The following DPP10 variants were observed in gnomAD, a reference collection of about 807,000 sequenced individuals.
The protein encoded by DPP10 is inactive dipeptidyl peptidase 10.
Under a neutral mutation model 120.9 loss-of-function variants are expected in DPP10, and 33 were observed. The ratio of observed to expected loss-of-function variants is 0.27; its 90% CI spans 0.21 to 0.37. The LOEUF is 0.37. Ranked by LOEUF, DPP10 falls within the 10% of genes least tolerant of loss-of-function variation. The probability of loss-of-function intolerance (pLI) is 1.00; values close to 1 mark genes in which losing one functional copy is unlikely to be tolerated. For missense variants in DPP10, 816 were observed against 942.8 expected (o/e 0.87, Z 1.76); for synonymous variants, 337 against 326.1 (o/e 1.03, Z -0.36).
At chr2:115,474,867 A>G (rs542014725) in intron 3 of DPP10, among the ~76,000 whole-genome samples, 1 of 152,270 alleles carries the variant, frequency 6.6e-6, no homozygotes, top group African/African-American at 2.4e-5. Context: ...CATTTGTGGC[A>G]TCCACTCCCA....
intron 1 of DPP10, among the ~76,000 whole-genome samples, chr2:114,477,168 A>G (rs771382854): frequency 1.8e-4 from 28 of 151,994 alleles, no homozygotes; most frequent in Non-Finnish European, 3.5e-4. Context: ...CATGTTGGAC[A>G]GGCAGGTCTT....
chr2:114,816,136 T>C (rs377467627), intron 1 of DPP10, among the ~76,000 whole-genome samples: 4 of 152,240 alleles, frequency 2.6e-5, no homozygotes, highest in East Asian at 3.8e-4. Context: ...TGTCTCCAGC[T>C]GACACTGTGC....
chr2:114,561,875 C>A lies in DPP10; in HGVS notation c.60+119037C>A, dbSNP rs7563721. On this transcript the variant is annotated intron_variant, in intron 1 of 25. Coordinates refer to ENST00000410059, the MANE Select transcript of DPP10 (RefSeq NM_020868.6). ...TCGAAAACAACATTGAACATGACTT[C>A]TTGACTACAGATTTAAACTTATTTC... 8.4e-3 allele frequency among the ~76,000 whole-genome samples: 1,280 copies of A among 152,298 alleles called. 17 individuals carry two copies. Among genetic ancestry groups the A allele is most frequent in the African/African-American group, 0.029 (1,195 of 41,566 alleles).
At chr2:115,448,925 G>T (rs1234321853) in intron 3 of DPP10, among the ~76,000 whole-genome samples, 1 of 152,070 alleles carries the variant, frequency 6.6e-6, no homozygotes, top group Non-Finnish European at 1.5e-5. Flanking sequence ...CATGTGGTCA[G>T]TGAGTTCATT....
chr2:114,878,011 A>G (rs1490014169), intron 1 of DPP10, among the ~76,000 whole-genome samples: 1 of 152,072 alleles, frequency 6.6e-6, no homozygotes, highest in Non-Finnish European at 1.5e-5. Flanking sequence ...CCCACTCTCT[A>G]CTTATGTCCA....
chr2:115,218,849 T>TAA (rs1226249423), intron 1 of DPP10, among the ~76,000 whole-genome samples: 1 of 152,172 alleles, frequency 6.6e-6, no homozygotes, highest in Non-Finnish European at 1.5e-5. Flanking sequence ...TAATTGTTTT[T>TAA]AATTGAAGGA....
chr2:115,527,998 T>C (rs976136114), intron 5 of DPP10, among the ~76,000 whole-genome samples: 3 of 152,162 alleles, frequency 2.0e-5, no homozygotes, highest in Non-Finnish European at 4.4e-5. Context: ...TCCAAGTCTT[T>C]GCTATTGTGA....
chr2:115,611,599 C>T (rs1483422248), intron 5 of DPP10, among the ~76,000 whole-genome samples: 67 of 152,104 alleles, frequency 4.4e-4, no homozygotes, highest in Non-Finnish European at 5.9e-5. Context: ...TTCTGGATTT[C>T]CTCCGTGCTT....
intron 5 of DPP10, among the ~76,000 whole-genome samples, chr2:115,603,526 G>A (rs2083482078): frequency 6.7e-6 from 1 of 149,100 alleles, no homozygotes; most frequent in Non-Finnish European, 1.5e-5. Flanking sequence ...GCTGGAACTT[G>A]GCCTCTCCAC....
chr2:115,678,565 T>G (rs2090438028), intron 5 of DPP10, among the ~76,000 whole-genome samples: 1 of 151,996 alleles, frequency 6.6e-6, no homozygotes, highest in African/African-American at 2.4e-5. Flanking sequence ...ACTGCAGGGG[T>G]GCAGTCCTCA....
intron 3 of DPP10, among the ~76,000 whole-genome samples, chr2:115,383,693 T>C (rs934953388): frequency 6.6e-6 from 1 of 152,176 alleles, no homozygotes; most frequent in Non-Finnish European, 1.5e-5. Flanking sequence ...ATATATTTAA[T>C]AATTTGATTT....
intron 1 of DPP10, among the ~76,000 whole-genome samples, chr2:115,066,981 T>C (rs1016181296): frequency 2.6e-5 from 4 of 152,188 alleles, no homozygotes; most frequent in African/African-American, 9.7e-5. Flanking sequence ...TAATTAATGA[T>C]AGGTATGGTC....
At chr2:115,165,809 C>A (rs1002258581) in intron 1 of DPP10, among the ~76,000 whole-genome samples, 5 of 152,030 alleles carry the variant, frequency 3.3e-5, no homozygotes, top group African/African-American at 1.2e-4. Flanking sequence ...AATAACCACA[C>A]AAAAACAAAA....
intron 1 of DPP10, among the ~76,000 whole-genome samples, chr2:114,501,135 T>A (rs1683136161): frequency 6.6e-6 from 1 of 152,202 alleles, no homozygotes; most frequent in Admixed American, 6.5e-5. Flanking sequence ...GGTTCCCAGA[T>A]ATAGAAAAAT....
At chr2:115,048,467 A>G (rs1243060616) in intron 1 of DPP10, among the ~76,000 whole-genome samples, 1 of 152,074 alleles carries the variant, frequency 6.6e-6, no homozygotes, top group African/African-American at 2.4e-5. Context: ...TTGCTTATTC[A>G]GTAGCCAGAG....
chr2:114,943,224 C>T (rs1327858502), intron 1 of DPP10, among the ~76,000 whole-genome samples: 2 of 152,070 alleles, frequency 1.3e-5, no homozygotes, highest in African/African-American at 2.4e-5. Flanking sequence ...GCAAAGGACA[C>T]GAACTCATCC....
intron 16 of DPP10, among the ~76,000 whole-genome samples, chr2:115,782,065 A>G (rs981472730): frequency 6.6e-6 from 1 of 152,022 alleles, no homozygotes; most frequent in Admixed American, 6.6e-5. Context: ...GACTAGAGAT[A>G]AAGAGAAAGC....
intron 1 of DPP10, among the ~76,000 whole-genome samples, chr2:114,634,876 A>G (rs1573847187): frequency 6.6e-6 from 1 of 151,982 alleles, no homozygotes; most frequent in East Asian, 1.9e-4. Context: ...TATGTTATTT[A>G]GTAAGATTAA....
intron 1 of DPP10, among the ~76,000 whole-genome samples, chr2:114,963,901 C>CA (rs1698826044): frequency 6.6e-6 from 1 of 152,150 alleles, no homozygotes; most frequent in South Asian, 2.1e-4. Context: ...TAAAACTCTG[C>CA]AAATATTCTT....
Sources: gnomAD v4.1 joint callset for allele counts (sites outside exome capture counted in the v4.1 genomes callset) on GRCh38, gnomAD v4.1.1 for gene constraint, MANE v1.5 for transcripts, NCBI Gene and HGNC (gene_info 2026-07-23, HGNC 2026-07-21) for gene names.